PLPPR1: variants seen among roughly 807,000 people sequenced by gnomAD.
The protein encoded by PLPPR1 is phospholipid phosphatase related 1.
A neutral mutation model predicts 33.1 loss-of-function variants in PLPPR1; 10 were observed. That is an observed-to-expected ratio of 0.30 (90% CI 0.19 to 0.51). The LOEUF is 0.51. Ranked by LOEUF, PLPPR1 falls within the 20% of genes least tolerant of loss-of-function variation. The probability of loss-of-function intolerance (pLI) is 0.97; values close to 1 mark genes in which losing one functional copy is unlikely to be tolerated. For missense variants in PLPPR1, 304 were observed against 408.1 expected, an observed-to-expected ratio of 0.74 and a Z score of 2.20; for synonymous variants, 151 against 151.0, an observed-to-expected ratio of 1.00 and a Z score of 0.00.
At chr9:101,037,603 G>T (rs932174233) in intron 1 of PLPPR1, among the ~76,000 whole-genome samples, 4 of 152,122 alleles carry the variant, frequency 2.6e-5, no homozygotes, top group African/African-American at 7.2e-5. Flanking sequence ...AGCTCTGTAA[G>T]CCAAGCATGC....
chr9:101,250,195 C>G (rs1156795794), intron 2 of PLPPR1, among the ~76,000 whole-genome samples: 2 of 152,026 alleles, frequency 1.3e-5, no homozygotes, highest in Non-Finnish European at 2.9e-5. Flanking sequence ...CCCCACCATT[C>G]TGCCTCAAAG....
At chr9:101,096,742 A>C (rs1290259478) in intron 1 of PLPPR1, among the ~76,000 whole-genome samples, 1 of 152,184 alleles carries the variant, frequency 6.6e-6, no homozygotes, top group African/African-American at 2.4e-5. Context: ...GTAATGTTGG[A>C]GCTCTTTGCC....
intron 1 of PLPPR1, among the ~76,000 whole-genome samples, chr9:101,074,490 C>A (rs1321657746): frequency 6.6e-6 from 1 of 152,092 alleles, no homozygotes; most frequent in Non-Finnish European, 1.5e-5. Context: ...AAATATTCTT[C>A]CCTTTGAATA....
chr9:101,172,962 A>G (rs1825966339), intron 1 of PLPPR1, among the ~76,000 whole-genome samples: 2 of 151,996 alleles, frequency 1.3e-5, no homozygotes, highest in Admixed American at 1.3e-4. Flanking sequence ...CAGTTGTTTC[A>G]GGCATGAAAT....
At chr9:101,117,144 C>T (rs1831126986) in intron 1 of PLPPR1, among the ~76,000 whole-genome samples, 1 of 152,056 alleles carries the variant, frequency 6.6e-6, no homozygotes, top group South Asian at 2.1e-4. Flanking sequence ...GTGACTTTAT[C>T]ATGTATAGAG....
intron 2 of PLPPR1, among the ~76,000 whole-genome samples, chr9:101,261,271 T>G (rs773535066): frequency 1.3e-5 from 2 of 152,218 alleles, no homozygotes; most frequent in Non-Finnish European, 2.9e-5. Context: ...GACTTACTTT[T>G]ATAATATCTG....
intron 2 of PLPPR1, among the ~76,000 whole-genome samples, chr9:101,223,984 C>T (rs867618538): frequency 4.6e-5 from 7 of 151,888 alleles, no homozygotes; most frequent in South Asian, 2.1e-4. Context: ...AACCTCTGCC[C>T]GAGTTCTTCT....
At chr9:101,207,076 T>C (rs1411135464) in intron 2 of PLPPR1, among the ~76,000 whole-genome samples, 1 of 152,242 alleles carries the variant, frequency 6.6e-6, no homozygotes, top group African/African-American at 2.4e-5. Context: ...ATTGTACCTT[T>C]TATAATTTAT....
chr9:101,116,064 G>A (rs919768451), intron 1 of PLPPR1, among the ~76,000 whole-genome samples: 2 of 152,152 alleles, frequency 1.3e-5, no homozygotes, highest in African/African-American at 2.4e-5. Context: ...ATCCAAATGC[G>A]GTTCTGTGGC....
intron 2 of PLPPR1, among the ~76,000 whole-genome samples, chr9:101,202,211 T>C (rs1399002539): frequency 6.6e-6 from 1 of 152,168 alleles, no homozygotes. Context: ...ATTAAGACCT[T>C]GGTTGGTTGT....
At chr9:101,192,365 C>T (rs935624219) in intron 2 of PLPPR1, among the ~76,000 whole-genome samples, 5 of 152,046 alleles carry the variant, frequency 3.3e-5, no homozygotes, top group African/African-American at 1.2e-4. Flanking sequence ...TAATTTTATC[C>T]TTATATAGAA....
In PLPPR1 at chr9:101,114,085, A is replaced by G. The variant is rs1831091140; in HGVS notation, c.-45-71365A>G. Among the ~76,000 whole-genome samples, 3 of 152,222 alleles carry G rather than the reference A, an allele frequency of 2.0e-5. No individual in the cohort carries two copies. In the South Asian group the frequency reaches 6.2e-4, roughly 32 times the overall value. On this transcript the variant is annotated intron_variant, in intron 1 of 7. Transcript: ENST00000374874. Reference sequence around the variant, plus strand: ...GTGTAGGCGTTTTCCTTTCAAATGAAGTCAGAGAGAAAGAATAGGAATGAG... The same window carrying G: ...GTGTAGGCGTTTTCCTTTCAAATGAGGTCAGAGAGAAAGAATAGGAATGAG...
rs114405709 is a variant in PLPPR1 at position 101,251,694 on chromosome 9, A to G, written c.64-18186A>G. Among the ~76,000 whole-genome samples, 243 of 152,224 alleles carry G rather than the reference A, an allele frequency of 1.6e-3. 1 individual carries two copies. The highest frequency in any genetic ancestry group is 5.7e-3 in the African/African-American group (235 of 41,564). On this transcript the variant is annotated intron_variant, in intron 2 of 7. Coordinates refer to ENST00000374874, the MANE Select transcript of PLPPR1 (RefSeq NM_207299.2). ...GATACAAGCAGCATCATAACCCTAA[A>G]GGTGACTCTGGTCTCTCATGTTCAT...
intron 4 of PLPPR1, among the ~76,000 whole-genome samples, chr9:101,291,538 C>T (rs534188920): frequency 4.6e-5 from 7 of 152,308 alleles, no homozygotes; most frequent in Admixed American, 1.3e-4. Flanking sequence ...GGGAGGCACC[C>T]GCCAGTAGGG....
intron 3 of PLPPR1, among the ~76,000 whole-genome samples, chr9:101,272,806 T>A (rs914391445): frequency 2.0e-5 from 3 of 152,208 alleles, no homozygotes; most frequent in Non-Finnish European, 2.9e-5. Flanking sequence ...ATGTAGAGAC[T>A]TTCATGTAAT....
At chr9:101,310,522 G>A (rs1828934874) in intron 5 of PLPPR1, among the ~76,000 whole-genome samples, 1 of 152,178 alleles carries the variant, frequency 6.6e-6, no homozygotes, top group Non-Finnish European at 1.5e-5. Flanking sequence ...TACCCTTCCT[G>A]TCACTGAGTG....
At chr9:101,235,736 G>T (rs1182786747) in intron 2 of PLPPR1, among the ~76,000 whole-genome samples, 1 of 151,688 alleles carries the variant, frequency 6.6e-6, no homozygotes, top group African/African-American at 2.4e-5. Flanking sequence ...TAGAAAATGA[G>T]AACATAAACC....
intron 2 of PLPPR1, among the ~76,000 whole-genome samples, chr9:101,229,042 G>C (rs1294509231): frequency 6.6e-6 from 1 of 150,502 alleles, no homozygotes; most frequent in African/African-American, 2.4e-5. Context: ...GACCTGCCTT[G>C]TTCAAATTGG....
intron 1 of PLPPR1, among the ~76,000 whole-genome samples, chr9:101,043,251 T>C (rs1313340848): frequency 6.6e-6 from 1 of 151,990 alleles, no homozygotes; most frequent in Non-Finnish European, 1.5e-5. Context: ...TTCCTTTTTA[T>C]GGCTGAGTAG....
Sources: gnomAD v4.1 joint callset for allele counts (sites outside exome capture counted in the v4.1 genomes callset) on GRCh38, gnomAD v4.1.1 for gene constraint, MANE v1.5 for transcripts, NCBI Gene and HGNC (gene_info 2026-07-23, HGNC 2026-07-21) for gene names.